PCDHGB4: variants seen among roughly 807,000 people sequenced by gnomAD.
PCDHGB4 encodes protocadherin gamma subfamily B, 4, also known as protocadherin gamma-B4.
In PCDHGB4, 38 loss-of-function variants were observed where a neutral mutation model predicts 60.5. The observed-to-expected ratio is 0.63, with a 90% CI of 0.48 to 0.82. The LOEUF is 0.82. PCDHGB4 is among the 40% of genes least tolerant of loss of function. PCDHGB4 has a pLI of 0.00. For synonymous variants in PCDHGB4, 456 were observed against 509.7 expected, an observed-to-expected ratio of 0.89 and a Z score of 1.42; for missense variants, 1,109 against 1,209.6, an observed-to-expected ratio of 0.92 and a Z score of 1.23.
At chr5:141,423,620 C>A in intron 1 of PCDHGB4, 1 of 1,608,268 alleles carries the variant, frequency 6.2e-7, no homozygotes, top group Non-Finnish European at 8.5e-7. Flanking sequence ...GCTGAAGACT[C>A]AGCTATCATT....
At chr5:141,413,528 T>C in intron 1 of PCDHGB4, 1 of 1,613,834 alleles carries the variant, frequency 6.2e-7, no homozygotes, top group Non-Finnish European at 8.5e-7. Context: ...GAAGACAGGG[T>C]GAAACTTTTT....
chr5:141,392,962 A>G, intron 1 of PCDHGB4: 1 of 1,613,902 alleles, frequency 6.2e-7, no homozygotes, highest in Admixed American at 1.7e-5. Context: ...AATATCTCCA[A>G]GGACCTGGGG....
rs1317308437 is a variant in PCDHGB4, at chr5:141,418,492, A to G, written c.2397+28211A>G. The G allele has an allele frequency of 1.9e-6, 3 of 1,613,886 alleles. No homozygotes were observed. The African/African-American group carries it at 4.0e-5, about 22-fold the overall frequency. On this transcript the variant is annotated intron_variant, in intron 1 of 3. Coordinates refer to ENST00000519479, the MANE Select transcript of PCDHGB4 (RefSeq NM_003736.4). ...AAACGCAGAGCGCTCACCACTTGGT[A>G]CTGACCGCCTTAGATGGTGGGGACC... is the stretch of plus-strand genomic sequence containing the variant.
chr5:141,495,430 C>T (rs1189953474), intron 2 of PCDHGB4, among the ~76,000 whole-genome samples: 3 of 152,220 alleles, frequency 2.0e-5, no homozygotes, highest in Admixed American at 2.0e-4. Context: ...TCCCACTGTC[C>T]TCTGCCCCTA....
intron 1 of PCDHGB4, chr5:141,404,270 C>T (rs1359018673): frequency 5.0e-6 from 8 of 1,614,010 alleles, no homozygotes; most frequent in Non-Finnish European, 6.8e-6. Flanking sequence ...TCACATCACC[C>T]TGCAAGTGAC....
intron 1 of PCDHGB4, among the ~76,000 whole-genome samples, chr5:141,466,540 G>T (rs1302720337): frequency 6.6e-6 from 1 of 152,094 alleles, no homozygotes; most frequent in Non-Finnish European, 1.5e-5. Context: ...GATGTAGATG[G>T]TCTTTTGCTG....
In PCDHGB4 at chr5:141,490,004, CA is replaced by C; in HGVS notation, c.2398-4802del. 1 of 1,614,174 alleles carries C rather than the reference CA, an allele frequency of 6.2e-7. No individual in the cohort carries two copies. Among genetic ancestry groups the C allele is most frequent in the Admixed American group, 1.7e-5 (1 of 60,034 alleles). ...CTACGTGTGGGAATCCCAGAGAATG[CA>C]CCCATTGGTACTCTGCTGCTCCGCC... On this transcript the variant is annotated intron_variant, in intron 1 of 3. Transcript: ENST00000519479. This position sits in a 1 kb window ranked among gnomAD's most constrained non-coding sequence, Gnocchi z 5.4.
At chr5:141,470,132 A>G (rs1411735203) in intron 1 of PCDHGB4, among the ~76,000 whole-genome samples, 1 of 151,586 alleles carries the variant, frequency 6.6e-6, no homozygotes, top group East Asian at 1.9e-4. Context: ...TCGTCTCAAA[A>G]AAAAAGATCA....
intron 2 of PCDHGB4, among the ~76,000 whole-genome samples, chr5:141,500,180 TTA>T (rs2099797073): frequency 7.1e-6 from 1 of 140,608 alleles, no homozygotes; most frequent in African/African-American, 2.8e-5. Flanking sequence ...AGCTTCATTT[TTA>T]TTTTTATTTA....
chr5:141,418,430 T>G (rs1331082135), intron 1 of PCDHGB4: 1 of 1,613,908 alleles, frequency 6.2e-7, no homozygotes, highest in South Asian at 1.1e-5. Flanking sequence ...TGGTGGCAAA[T>G]ATCCAGAATT....
intron 1 of PCDHGB4, chr5:141,478,942 C>G: frequency 1.7e-6 from 1 of 579,218 alleles, no homozygotes; most frequent in Non-Finnish European, 2.9e-6. Context: ...TCTAGGAATA[C>G]AAAAACTACC....
intron 1 of PCDHGB4, chr5:141,413,704 A>C (rs749988351): frequency 6.2e-7 from 1 of 1,613,616 alleles, no homozygotes; most frequent in South Asian, 1.1e-5. Flanking sequence ...CTATCAGCTC[A>C]GCCCCAATAA....
chr5:141,414,181 A>G, intron 1 of PCDHGB4: 2 of 1,609,294 alleles, frequency 1.2e-6, no homozygotes, highest in South Asian at 1.1e-5. Context: ...TGCAACTGCA[A>G]AAGTGTTGAT....
intron 1 of PCDHGB4, among the ~76,000 whole-genome samples, chr5:141,466,868 CA>C (rs1343260699): frequency 1.3e-5 from 2 of 152,100 alleles, no homozygotes; most frequent in African/African-American, 2.4e-5. Flanking sequence ...GAAATCCACA[CA>C]TTTTTTTCAT....
intron 1 of PCDHGB4, among the ~76,000 whole-genome samples, chr5:141,450,696 A>G (rs943551061): frequency 1.3e-5 from 2 of 152,164 alleles, no homozygotes; most frequent in East Asian, 3.9e-4. Flanking sequence ...CATGTTGCCC[A>G]GGATGGTCTC....
chr5:141,430,234 A>G (rs2097268213), intron 1 of PCDHGB4, among the ~76,000 whole-genome samples: 1 of 130,034 alleles, frequency 7.7e-6, no homozygotes, highest in South Asian at 2.4e-4. Flanking sequence ...TGTCAAAAAG[A>G]GAAACTCCTA....
At position 141,490,370 on chromosome 5, in the gene PCDHGB4, G is replaced by A. The variant is rs768474199; in HGVS notation, c.2398-4437G>A. Reference sequence around the variant, plus strand: ...GTGGGGTTGTTTAATGTGCGAGACCGGGACTCAGGTAGAAATGGTGAAGTG... The same window carrying A: ...GTGGGGTTGTTTAATGTGCGAGACCAGGACTCAGGTAGAAATGGTGAAGTG... On this transcript the variant is annotated intron_variant, in intron 1 of 3. Coordinates refer to ENST00000519479, the MANE Select transcript of PCDHGB4 (RefSeq NM_003736.4). The surrounding 1 kb of genome is among the most constrained non-coding windows in gnomAD (Gnocchi z 5.4). 32 of 1,614,054 alleles carry A rather than the reference G, an allele frequency of 2.0e-5. No homozygotes were observed. The highest frequency in any genetic ancestry group is 1.0e-4 in the Admixed American group (6 of 60,006).
chr5:141,389,887 A>T lies in PCDHGB4; in HGVS notation c.2003A>T (p.Glu668Val), dbSNP rs1473090410. Residue 668 changes from glutamate (E) to valine (V), a missense_variant, in exon 1 of 4, where the codon GAG becomes GTG. Physicochemically the swap from Glu to Val is moderately radical, Grantham distance 121. This residue lies in a region of PCDHGB4 where 1,068 missense variants were observed against 1,089.9 expected (regional missense o/e 0.98). Transcript: ENST00000519479. ...LHLVFADSLQ[E>V]VLPDITDRPD... ...CTGGTCTTCGCCGACAGCTTGCAGG[A>T]GGTGCTGCCGGATATCACTGACCGC... is the stretch of plus-strand genomic sequence containing the variant. 2 of 1,613,940 alleles carry T rather than the reference A, an allele frequency of 1.2e-6. No individual in the cohort carries two copies. The highest frequency in any genetic ancestry group is 1.1e-5 in the South Asian group (1 of 91,088).
At chr5:141,473,330 C>T (rs1431360397) in intron 1 of PCDHGB4, among the ~76,000 whole-genome samples, 2 of 152,208 alleles carry the variant, frequency 1.3e-5, no homozygotes, top group East Asian at 3.8e-4. Flanking sequence ...TAAGTGCCTG[C>T]TGTGCTAGAC....
Sources: gnomAD v4.1 joint callset for allele counts (sites outside exome capture counted in the v4.1 genomes callset) on GRCh38, gnomAD v4.1.1 for gene constraint, gnomAD v4.1.1 regional missense constraint, Gnocchi (gnomAD v3.1) non-coding constraint, MANE v1.5 for transcripts, NCBI Gene and HGNC (gene_info 2026-07-23, HGNC 2026-07-21) for gene names.